STK32B: variants seen among roughly 807,000 people sequenced by gnomAD.
STK32B encodes the protein serine/threonine-protein kinase 32B.
STK32B carries 43 observed loss-of-function variants against 52.6 expected under a neutral mutation model. The ratio of observed to expected loss-of-function variants is 0.82; its 90% CI spans 0.64 to 1.05. The LOEUF is 1.05. Ranked by LOEUF, STK32B falls within the 50% of genes least tolerant of loss-of-function variation. The pLI is 0.00. For synonymous variants in STK32B, 238 were observed against 204.3 expected (o/e 1.17, Z -1.41); for missense variants, 621 against 534.6 (o/e 1.16, Z -1.59).
chr4:5,272,643 A>C (rs536298742), intron 3 of STK32B, among the ~76,000 whole-genome samples: 1 of 152,276 alleles, frequency 6.6e-6, no homozygotes, highest in East Asian at 1.9e-4. Context: ...CAAAACAGAG[A>C]TATAGATCAA....
rs1186548964 is a variant in STK32B at position 5,226,332 on chromosome 4, A to T, written c.260+57882A>T. On this transcript the variant is annotated intron_variant, in intron 3 of 11. Coordinates refer to ENST00000282908, the MANE Select transcript of STK32B (RefSeq NM_018401.3). Reference sequence around the variant, plus strand: ...CATTGTATAATCCTTACACGTGGACATCCAGGACACAAGTATAGTAGCTCC... The same window carrying T: ...CATTGTATAATCCTTACACGTGGACTTCCAGGACACAAGTATAGTAGCTCC... Among the ~76,000 whole-genome samples, 4 of 152,196 alleles carry T rather than the reference A, an allele frequency of 2.6e-5. No homozygotes were observed. The East Asian group carries it at 7.7e-4, about 29-fold the overall frequency.
Position 5,395,713 on chromosome 4 carries a change from ATG to A in STK32B, c.435-2488_435-2487del, listed in dbSNP as rs1250419135. Among the ~76,000 whole-genome samples the A allele has an allele frequency of 3.9e-5, 6 of 152,350 alleles. No individual in the cohort carries two copies. Among genetic ancestry groups the A allele is most frequent in the African/African-American group, 1.2e-4 (5 of 41,584 alleles). On this transcript the variant is annotated intron_variant, in intron 4 of 11. Transcript: ENST00000282908. The surrounding 1 kb of genome is among the most constrained non-coding windows in gnomAD (Gnocchi z 4.4). Reference sequence around the variant, plus strand: ...TGTGCTAAGAGCCAACACAGAAGCAATGTGTGTTATGTATCAGGTATTTAATC... The same window carrying A: ...TGTGCTAAGAGCCAACACAGAAGCAATGTGTTATGTATCAGGTATTTAATC...
At chr4:5,075,165 A>G (rs940932844) in intron 1 of STK32B, among the ~76,000 whole-genome samples, 1 of 152,166 alleles carries the variant, frequency 6.6e-6, no homozygotes, top group African/African-American at 2.4e-5. Context: ...CAACAATGTG[A>G]TTATTGGAAT....
chr4:5,316,014 A>G (rs1446052891), intron 3 of STK32B, among the ~76,000 whole-genome samples: 1 of 148,144 alleles, frequency 6.8e-6, no homozygotes, highest in Non-Finnish European at 1.5e-5. Context: ...CGAGTATTTT[A>G]TTTTTTAAAG....
At chr4:5,146,554 C>A (rs1335630188) in intron 2 of STK32B, among the ~76,000 whole-genome samples, 5 of 152,146 alleles carry the variant, frequency 3.3e-5, no homozygotes, top group Admixed American at 3.3e-4. Flanking sequence ...GTGGGTCTTC[C>A]TGAGGATGGG....
intron 3 of STK32B, among the ~76,000 whole-genome samples, chr4:5,300,842 T>C (rs543468494): frequency 1.3e-5 from 2 of 152,256 alleles, no homozygotes; most frequent in South Asian, 4.2e-4. Flanking sequence ...AGAATCGATA[T>C]TGTTAAAATG....
chr4:5,440,639 A>G (rs1203940243), intron 6 of STK32B, among the ~76,000 whole-genome samples: 5 of 152,170 alleles, frequency 3.3e-5, no homozygotes, highest in South Asian at 2.1e-4. Flanking sequence ...CTCCAACACT[A>G]TGTTGAATAA....
At chr4:5,434,432 A>ATGTGTG (rs544048239) in intron 6 of STK32B, among the ~76,000 whole-genome samples, 2,697 of 145,726 alleles carry the variant, frequency 0.019, 82 homozygotes, top group African/African-American at 0.066. Flanking sequence ...GTGTGCATGT[A>ATGTGTG]TGTGTGTGTG....
rs901065554 is a variant in STK32B, at chr4:5,378,382, C to A, written c.435-19825C>A. 1.3e-5 allele frequency among the ~76,000 whole-genome samples: 2 copies of A among 152,164 alleles called. No individual in the cohort carries two copies. Among genetic ancestry groups the A allele is most frequent in the African/African-American group, 4.8e-5 (2 of 41,432 alleles). ...GCCAAGCTCCTAGAGATTCTGAAGC[C>A]CTGTGCCTGGGTCGTAGCCCTGGAC... is the stretch of plus-strand genomic sequence containing the variant. On this transcript the variant is annotated intron_variant, in intron 4 of 11. Coordinates refer to ENST00000282908, the MANE Select transcript of STK32B (RefSeq NM_018401.3). This position sits in a 1 kb window ranked among gnomAD's most constrained non-coding sequence, Gnocchi z 4.4.
At chr4:5,213,290 G>A (rs1723008968) in intron 3 of STK32B, among the ~76,000 whole-genome samples, 1 of 152,080 alleles carries the variant, frequency 6.6e-6, no homozygotes, top group Non-Finnish European at 1.5e-5. Flanking sequence ...GGTGGAAGCC[G>A]ACTAATGATC....
At chr4:5,490,237 G>C (rs1719604637) in intron 11 of STK32B, among the ~76,000 whole-genome samples, 1 of 151,972 alleles carries the variant, frequency 6.6e-6, no homozygotes, top group Non-Finnish European at 1.5e-5. Flanking sequence ...CTCCCGAGTA[G>C]CTGGGATTAC....
At chr4:5,132,327 G>A (rs1302157902) in intron 1 of STK32B, among the ~76,000 whole-genome samples, 1 of 152,106 alleles carries the variant, frequency 6.6e-6, no homozygotes, top group Non-Finnish European at 1.5e-5. Flanking sequence ...GACATAAAGA[G>A]GGGAACAACA....
At chr4:5,113,226 G>A (rs541463254) in intron 1 of STK32B, among the ~76,000 whole-genome samples, 10 of 152,224 alleles carry the variant, frequency 6.6e-5, no homozygotes, top group South Asian at 2.1e-4. Context: ...CAGACCCCTC[G>A]TCTCTTTCAC....
intron 10 of STK32B, 71 bp downstream of exon 10, chr4:5,466,905 C>T (rs1717483351): frequency 3.9e-6 from 6 of 1,528,540 alleles, no homozygotes; most frequent in Middle Eastern, 3.6e-4. Flanking sequence ...AGCCAGGCCA[C>T]TGTTTAGCAA....
chr4:5,192,136 A>G (rs1721256935), intron 3 of STK32B, among the ~76,000 whole-genome samples: 1 of 152,252 alleles, frequency 6.6e-6, no homozygotes, highest in South Asian at 2.1e-4. Context: ...TTGAGATGCC[A>G]GCACCGAATG....
At chr4:5,063,262 T>A (rs1018969204) in intron 1 of STK32B, among the ~76,000 whole-genome samples, 1 of 152,224 alleles carries the variant, frequency 6.6e-6, no homozygotes, top group Non-Finnish European at 1.5e-5. Context: ...TCTATAGAAA[T>A]GTGACTCAGT....
At chr4:5,056,926 T>TC (rs1028008589) in intron 1 of STK32B, among the ~76,000 whole-genome samples, 3 of 151,896 alleles carry the variant, frequency 2.0e-5, no homozygotes, top group Non-Finnish European at 2.9e-5. Context: ...AAAACATCCA[T>TC]CCCCCCCAAC....
chr4:5,363,254 A>T (rs540834047), intron 4 of STK32B, among the ~76,000 whole-genome samples: 2 of 152,352 alleles, frequency 1.3e-5, no homozygotes, highest in Admixed American at 1.3e-4. Flanking sequence ...TTGAATTTTA[A>T]CTTTAAAGGG....
chr4:5,343,927 C>G (rs1304652251), intron 4 of STK32B, among the ~76,000 whole-genome samples: 1 of 152,174 alleles, frequency 6.6e-6, no homozygotes, highest in Non-Finnish European at 1.5e-5. Context: ...TTGCATTCTA[C>G]TCCGTTATGT....
Sources: allele counts gnomAD v4.1 joint callset (sites outside exome capture counted in the v4.1 genomes callset), GRCh38; gene constraint gnomAD v4.1.1; non-coding constraint Gnocchi (gnomAD v3.1); transcripts MANE v1.5; gene names NCBI Gene and HGNC (gene_info 2026-07-23, HGNC 2026-07-21).